Variants in CCSER1 observed in about 807,000 individuals in gnomAD.
CCSER1 encodes coiled-coil serine rich protein 1, also known as serine-rich coiled-coil domain-containing protein 1.
In CCSER1, 41 loss-of-function variants were observed where a neutral mutation model predicts 82.0. The observed-to-expected ratio is 0.50, with a 90% CI of 0.39 to 0.65. The LOEUF is 0.65. Ranked by LOEUF, CCSER1 falls within the 30% of genes least tolerant of loss-of-function variation. CCSER1 has a pLI of 0.00. For synonymous variants in CCSER1, 414 were observed against 383.9 expected (o/e 1.08, Z -0.92); for missense variants, 1,119 against 1,064.2 (o/e 1.05, Z -0.72).
At chr4:90,403,371 C>T (rs1333588374) in intron 4 of CCSER1, among the ~76,000 whole-genome samples, 5 of 149,950 alleles carry the variant, frequency 3.3e-5, no homozygotes, top group South Asian at 2.1e-4. Flanking sequence ...TAGTGGCGGG[C>T]GCCTGTAGTC....
At chr4:90,720,894 T>A (rs1249962961) in intron 6 of CCSER1, among the ~76,000 whole-genome samples, 4 of 152,024 alleles carry the variant, frequency 2.6e-5, no homozygotes, top group Non-Finnish European at 5.9e-5. Flanking sequence ...CTTCAATTTC[T>A]CTGCTTTTTT....
chr4:90,853,522 A>T (rs1013110983), intron 8 of CCSER1, among the ~76,000 whole-genome samples: 2 of 152,144 alleles, frequency 1.3e-5, no homozygotes, highest in African/African-American at 4.8e-5. Context: ...TATGTTATTG[A>T]TTCTTTTCAC....
chr4:90,280,401 T>TTTC (rs895927248), intron 1 of CCSER1, among the ~76,000 whole-genome samples: 1 of 151,786 alleles, frequency 6.6e-6, no homozygotes. Context: ...CTCCTGTTTT[T>TTTC]TTCTTCTTCT....
Position 90,392,390 on chromosome 4 carries a change from G to GT in CCSER1, c.1510-7645dup, listed in dbSNP as rs559714226. On this transcript the variant is annotated intron_variant, in intron 3 of 10. Transcript: ENST00000509176. The stretch of plus-strand genomic sequence containing the variant: ...ATATTAGCTTTTTCTAAACAGCAAA[G>GT]TATTATAGCATAACTTTTAAGTTTT... Among the ~76,000 whole-genome samples the GT allele has an allele frequency of 3.7e-4, 57 of 152,080 alleles. No individual in the cohort carries two copies. In the East Asian group the frequency reaches 0.011, roughly 29 times the overall value.
intron 4 of CCSER1, among the ~76,000 whole-genome samples, chr4:90,434,655 G>T (rs536246367): frequency 1.3e-5 from 2 of 152,282 alleles, no homozygotes; most frequent in East Asian, 3.9e-4. Context: ...TTGGGATACA[G>T]CAAGCAGTTT....
intron 10 of CCSER1, among the ~76,000 whole-genome samples, chr4:91,358,417 A>C (rs1749015268): frequency 7.4e-6 from 1 of 134,568 alleles, no homozygotes; most frequent in African/African-American, 2.9e-5. Context: ...TTTTCCCGAG[A>C]CAAAATACCA....
rs146064571 is a variant in CCSER1, at chr4:91,164,023, A to T, written c.2217+78029A>T. On this transcript the variant is annotated intron_variant, in intron 10 of 10. Coordinates refer to ENST00000509176, the MANE Select transcript of CCSER1 (RefSeq NM_001145065.2). Reference sequence around the variant, plus strand: ...TTAGTTGATGCAGTTTCTTCCAAGCATCGATGGCCTTTACCTTTTGGCATG... The same window carrying T: ...TTAGTTGATGCAGTTTCTTCCAAGCTTCGATGGCCTTTACCTTTTGGCATG... Among the ~76,000 whole-genome samples the T allele has an allele frequency of 2.9e-3, 446 of 152,248 alleles. 4 individuals carry two copies. The highest frequency in any genetic ancestry group is 0.01 in the African/African-American group (428 of 41,552).
chr4:91,261,022 C>T (rs113949939), intron 10 of CCSER1, among the ~76,000 whole-genome samples: 7 of 152,294 alleles, frequency 4.6e-5, no homozygotes, highest in African/African-American at 1.7e-4. Context: ...CTCAGCCTCC[C>T]AAAGTGCTGA....
intron 10 of CCSER1, among the ~76,000 whole-genome samples, chr4:91,311,900 C>T (rs939283671): frequency 4.0e-5 from 6 of 151,820 alleles, no homozygotes; most frequent in Middle Eastern, 3.2e-3. Context: ...TACTCAAAAC[C>T]ACTATTCACT....
At chr4:90,775,960 C>CCA (rs1467498665) in intron 7 of CCSER1, among the ~76,000 whole-genome samples, 2 of 151,514 alleles carry the variant, frequency 1.3e-5, no homozygotes, top group African/African-American at 4.9e-5. Flanking sequence ...GGAGGCCTGA[C>CCA]TTTGGCAAAG....
intron 3 of CCSER1, among the ~76,000 whole-genome samples, chr4:90,366,699 T>C (rs2085915): frequency 0.27 from 41,225 of 151,556 alleles, 6,842 homozygotes; most frequent in African/African-American, 0.46. Context: ...TTGAGGTAAG[T>C]GTTTAATTAT....
At position 90,253,362 on chromosome 4, in the gene CCSER1, T is replaced by C. The variant is rs546880416; in HGVS notation, c.-41-54882T>C. ...TTGCTTTCAGCTTGAAGAATTTTTT[T>C]AGTATTTCTTGAGAAGTAGATGTGC... On this transcript the variant is annotated intron_variant, in intron 1 of 10. Transcript: ENST00000509176. Among the ~76,000 whole-genome samples the C allele has an allele frequency of 2.4e-4, 36 of 152,288 alleles. 1 individual carries two copies. In the South Asian group the frequency reaches 7.3e-3, roughly 31 times the overall value.
rs146704295 is a variant in CCSER1, at chr4:91,336,226, G to T, written c.2217+250232G>T. Among the ~76,000 whole-genome samples the T allele has an allele frequency of 2.4e-3, 364 of 152,162 alleles. 1 individual carries two copies. The highest frequency in any genetic ancestry group is 8.4e-3 in the African/African-American group (349 of 41,546). Reference sequence around the variant, plus strand: ...CTGCCCAGCATAGTTATATATCTGTGTTGTTTCTATGCACCTTGCATACAT... The same window carrying T: ...CTGCCCAGCATAGTTATATATCTGTTTTGTTTCTATGCACCTTGCATACAT... On this transcript the variant is annotated intron_variant, in intron 10 of 10. Coordinates refer to ENST00000509176, the MANE Select transcript of CCSER1 (RefSeq NM_001145065.2).
chr4:90,586,493 G>A lies in CCSER1; in HGVS notation c.1725-41532G>A, dbSNP rs115568879. 7.2e-3 allele frequency among the ~76,000 whole-genome samples: 1,096 copies of A among 152,236 alleles called. 9 individuals are homozygous for A. The highest frequency in any genetic ancestry group is 0.037 in the Middle Eastern group (11 of 294). On this transcript the variant is annotated intron_variant, in intron 5 of 10. Transcript: ENST00000509176. Reference sequence around the variant, plus strand: ...AACTAATTAATTAATGCGAGAATCAGAAGATGCCAAAACTGGTTCAAAGGA... The same window carrying A: ...AACTAATTAATTAATGCGAGAATCAAAAGATGCCAAAACTGGTTCAAAGGA...
At chr4:90,831,835 A>C (rs1358471785) in intron 8 of CCSER1, among the ~76,000 whole-genome samples, 1 of 152,158 alleles carries the variant, frequency 6.6e-6, no homozygotes, top group Non-Finnish European at 1.5e-5. Flanking sequence ...AAGAGGAAAA[A>C]ATTATGTTAC....
intron 9 of CCSER1, among the ~76,000 whole-genome samples, chr4:90,977,960 T>C (rs1369457321): frequency 6.6e-6 from 1 of 151,686 alleles, no homozygotes; most frequent in Admixed American, 6.6e-5. Flanking sequence ...AGGCATTCAA[T>C]GATGTCATTA....
At chr4:91,146,284 C>A (rs1340436415) in intron 10 of CCSER1, among the ~76,000 whole-genome samples, 2 of 152,128 alleles carry the variant, frequency 1.3e-5, no homozygotes, top group Non-Finnish European at 2.9e-5. Flanking sequence ...TCAGTGGGTT[C>A]CTTCTTAATA....
intron 3 of CCSER1, among the ~76,000 whole-genome samples, chr4:90,352,339 C>G (rs895173821): frequency 1.0e-4 from 15 of 147,724 alleles, no homozygotes; most frequent in Non-Finnish European, 1.3e-4. Context: ...AATCAAAAAC[C>G]AAAAAAACAA....
intron 9 of CCSER1, among the ~76,000 whole-genome samples, chr4:91,006,224 T>C (rs911153686): frequency 3.3e-5 from 5 of 152,092 alleles, no homozygotes; most frequent in Non-Finnish European, 7.4e-5. Flanking sequence ...GTAGAGATCA[T>C]TCACCTTCTT....
Sources: gnomAD v4.1 joint callset for allele counts (sites outside exome capture counted in the v4.1 genomes callset) on GRCh38, gnomAD v4.1.1 for gene constraint, MANE v1.5 for transcripts, NCBI Gene and HGNC (gene_info 2026-07-23, HGNC 2026-07-21) for gene names.